Variants in NECAB1 observed in about 807,000 individuals in gnomAD.
NECAB1 encodes the protein N-terminal EF-hand calcium-binding protein 1.
A neutral mutation model predicts 57.5 loss-of-function variants in NECAB1; 29 were observed. The ratio of observed to expected loss-of-function variants is 0.50; its 90% CI spans 0.38 to 0.69. NECAB1 has a LOEUF of 0.69. Ranked by LOEUF, NECAB1 falls within the 30% of genes least tolerant of loss-of-function variation. The pLI, the probability that NECAB1 is intolerant of heterozygous loss-of-function variation, is 0.00. For synonymous variants in NECAB1, 142 were observed against 147.7 expected, an observed-to-expected ratio of 0.96 and a Z score of 0.28; for missense variants, 372 against 413.8, an observed-to-expected ratio of 0.90 and a Z score of 0.88.
chr8:90,881,968 C>G (rs757168840), intron 5 of NECAB1, among the ~76,000 whole-genome samples: 1 of 152,084 alleles, frequency 6.6e-6, no homozygotes, highest in Non-Finnish European at 1.5e-5. Context: ...ACAGGACACT[C>G]TAGGAAATGA....
Position 90,881,057 on chromosome 8 carries a change from A to G in NECAB1, c.284A>G (p.Glu95Gly). The change falls in exon 5 of 13, where the codon GAG becomes GGG. Residue 95 changes from glutamate to glycine, a missense_variant. Transcript: ENST00000417640. ...GAATATTTTTCTCAGCACTTGGGCG[A>G]GTATGAGAATGTACTAGCAGCACTT... ...LCEYFSQHLGEYENVLAALED... is the reference protein window; with the variant it reads ...LCEYFSQHLGGYENVLAALED... 2 of 1,604,866 alleles carry G rather than the reference A, an allele frequency of 1.2e-6. No homozygotes were observed. Among genetic ancestry groups the G allele is most frequent in the Non-Finnish European group, 1.7e-6 (2 of 1,175,520 alleles).
At chr8:90,910,592 T>C (rs1360990624) in intron 5 of NECAB1, among the ~76,000 whole-genome samples, 3 of 152,158 alleles carry the variant, frequency 2.0e-5, no homozygotes, top group Non-Finnish European at 4.4e-5. Context: ...TGACCATCCC[T>C]CTCAATTTTG....
intron 10 of NECAB1, among the ~76,000 whole-genome samples, chr8:90,943,227 G>A (rs1417393098): frequency 1.3e-5 from 2 of 152,112 alleles, no homozygotes; most frequent in Non-Finnish European, 2.9e-5. Flanking sequence ...ACAATAAATT[G>A]CTCCATCAGC....
chr8:90,919,611 T>G (rs1361387694), intron 6 of NECAB1, among the ~76,000 whole-genome samples: 1 of 152,158 alleles, frequency 6.6e-6, no homozygotes, highest in East Asian at 1.9e-4. Flanking sequence ...CTGCGTTGGG[T>G]GATTCTATAC....
intron 3 of NECAB1, among the ~76,000 whole-genome samples, chr8:90,837,687 G>A (rs1812390964): frequency 6.6e-6 from 1 of 152,166 alleles, no homozygotes; most frequent in African/African-American, 2.4e-5. Flanking sequence ...TAAAATACAA[G>A]TGGAAATAAT....
Position 90,958,416 on chromosome 8 carries a change from C to T in NECAB1, c.*2904C>T, listed in dbSNP as rs1022563786. ...TCTGCTAGTAATTATGAATTTAAGA[C>T]CATATTATTATCAAAAACCTAGAGA... On this transcript the variant is annotated 3_prime_UTR_variant, in exon 13 of 13. Coordinates refer to ENST00000417640, the MANE Select transcript of NECAB1 (RefSeq NM_022351.5). 6.6e-6 allele frequency: 1 copy of T among 151,394 alleles called. No homozygotes were observed. The highest frequency in any genetic ancestry group is 1.9e-4 in the East Asian group (1 of 5,172). The allele number at this position is 151,394 out of a possible 1,614,324, so 9.4% of individuals were successfully genotyped here.
At chr8:90,829,836 T>A (rs191161367) in intron 3 of NECAB1, among the ~76,000 whole-genome samples, 408 of 152,168 alleles carry the variant, frequency 2.7e-3, no homozygotes, top group African/African-American at 9.1e-3. Context: ...TTGGTTCTGC[T>A]CTGTAGGGCC....
At chr8:90,901,899 TTG>T (rs148389383) in intron 5 of NECAB1, among the ~76,000 whole-genome samples, 274 of 149,012 alleles carry the variant, frequency 1.8e-3, no homozygotes, top group Non-Finnish European at 2.8e-3. Context: ...CTCTCTGTAT[TTG>T]TGTGTGTGTG....
intron 12 of NECAB1, among the ~76,000 whole-genome samples, chr8:90,954,437 C>T (rs1299175124): frequency 1.3e-5 from 2 of 151,814 alleles, no homozygotes; most frequent in African/African-American, 2.4e-5. Context: ...AGTATATAAA[C>T]TTGGTCTGTG....
chr8:90,871,881 C>G (rs1392389681), intron 3 of NECAB1, among the ~76,000 whole-genome samples: 1 of 152,094 alleles, frequency 6.6e-6, no homozygotes, highest in African/African-American at 2.4e-5. Context: ...AATATGCATT[C>G]TTTTCCCCAT....
intron 5 of NECAB1, 36 bp downstream of exon 5, chr8:90,881,166 C>A (rs1323904937): frequency 4.3e-6 from 6 of 1,410,344 alleles, no homozygotes; most frequent in African/African-American, 1.4e-5. Context: ...CTATAAAAAT[C>A]TCTTCTTTGA....
intron 3 of NECAB1, among the ~76,000 whole-genome samples, chr8:90,847,168 G>T (rs1265319703): frequency 6.6e-6 from 1 of 152,252 alleles, no homozygotes; most frequent in Non-Finnish European, 1.5e-5. Context: ...TACAGGCATT[G>T]GGTAAGTATA....
chr8:90,816,116 T>C (rs1812057498), intron 2 of NECAB1, among the ~76,000 whole-genome samples: 1 of 151,942 alleles, frequency 6.6e-6, no homozygotes. Flanking sequence ...AATGACCATA[T>C]GGAACATCTC....
At chr8:90,886,122 G>A (rs1216414577) in intron 5 of NECAB1, among the ~76,000 whole-genome samples, 1 of 152,136 alleles carries the variant, frequency 6.6e-6, no homozygotes. Context: ...AATAAGAGAA[G>A]TTACATACCC....
At chr8:90,843,996 T>C (rs1046667461) in intron 3 of NECAB1, among the ~76,000 whole-genome samples, 2 of 152,200 alleles carry the variant, frequency 1.3e-5, no homozygotes, top group African/African-American at 2.4e-5. Context: ...CCTTTTTCCT[T>C]ACAGGTATAA....
intron 3 of NECAB1, among the ~76,000 whole-genome samples, chr8:90,847,697 C>T (rs748858536): frequency 4.6e-5 from 7 of 152,236 alleles, no homozygotes; most frequent in Non-Finnish European, 8.8e-5. Flanking sequence ...CTTCTCTGCA[C>T]CCACAGGCCC....
At chr8:90,807,983 TAAAG>T (rs1469590100) in intron 2 of NECAB1, among the ~76,000 whole-genome samples, 1 of 151,536 alleles carries the variant, frequency 6.6e-6, no homozygotes, top group African/African-American at 2.4e-5. Context: ...TTTAACAAAA[TAAAG>T]AAAAATAAAT....
rs116816916 is a variant in NECAB1 at position 90,926,285 on chromosome 8, C to T, written c.616+629C>T. ...GTCACTTGAACGTGTCATTTTAACA[C>T]GAGTCTTTATCTAATATTCAGAAAA... On this transcript the variant is annotated intron_variant, in intron 7 of 12. Transcript: ENST00000417640. Among the ~76,000 whole-genome samples the T allele has an allele frequency of 1.8e-3, 268 of 152,200 alleles. 2 individuals carry two copies. Among genetic ancestry groups the T allele is most frequent in the Middle Eastern group, 0.01 (3 of 294 alleles).
intron 6 of NECAB1, among the ~76,000 whole-genome samples, chr8:90,919,721 T>A (rs965809655): frequency 5.9e-5 from 9 of 152,304 alleles, no homozygotes; most frequent in African/African-American, 2.2e-4. Flanking sequence ...GTGAAATGGA[T>A]TTCATGTTCC....
Sources: gnomAD v4.1 joint callset for allele counts (sites outside exome capture counted in the v4.1 genomes callset) on GRCh38, gnomAD v4.1.1 for gene constraint, MANE v1.5 for transcripts, NCBI Gene and HGNC (gene_info 2026-07-23, HGNC 2026-07-21) for gene names.